Variants in CCDC136 observed in about 807,000 individuals in gnomAD.
CCDC136 encodes coiled-coil domain-containing protein 136.
Under a neutral mutation model 141.2 loss-of-function variants are expected in CCDC136, and 100 were observed. The observed-to-expected ratio is 0.71, with a 90% CI of 0.60 to 0.84. The LOEUF is 0.84. Among genes scored for constraint, CCDC136 ranks in the 40% least tolerant of loss-of-function variants. The probability of loss-of-function intolerance (pLI) is 0.00; values close to 1 mark genes in which losing one functional copy is unlikely to be tolerated. For synonymous variants in CCDC136, 474 were observed against 531.9 expected, an observed-to-expected ratio of 0.89 and a Z score of 1.50; for missense variants, 1,206 against 1,379.4, an observed-to-expected ratio of 0.87 and a Z score of 1.99.
At chr7:128,813,653 G>A (rs901158682) in intron 14 of CCDC136, among the ~76,000 whole-genome samples, 2 of 152,166 alleles carry the variant, frequency 1.3e-5, no homozygotes, top group Non-Finnish European at 2.9e-5. Context: ...GTTCCTGTTA[G>A]AGAGATGGGT....
At chr7:128,796,743 T>TATATATATATATA (rs1282909541) in intron 3 of CCDC136, among the ~76,000 whole-genome samples, 5 of 99,478 alleles carry the variant, frequency 5.0e-5, no homozygotes, top group African/African-American at 2.2e-4. Context: ...ATATATATTC[T>TATATATATATATA]TTTTTTTTTT....
In CCDC136 at chr7:128,792,396, C is replaced by G. The variant is rs746229598; in HGVS notation, c.-16C>G. ...GGAAGAAGGGCCAACGCTGGGGGTC[C>G]CTGGAACGACGGGGGATGCAAGCTA... On this transcript the variant is annotated 5_prime_UTR_variant, in exon 1 of 18. Coordinates refer to ENST00000297788, the MANE Select transcript of CCDC136 (RefSeq NM_022742.5). 2.5e-6 allele frequency: 4 copies of G among 1,610,936 alleles called. No homozygotes were observed. The highest frequency in any genetic ancestry group is 3.4e-6 in the Non-Finnish European group (4 of 1,178,480).
At position 128,804,765 on chromosome 7, in the gene CCDC136, C is replaced by T. The variant is rs753995717; in HGVS notation, c.782+4C>T. 4 of 1,563,554 alleles carry T rather than the reference C, an allele frequency of 2.6e-6. No individual in the cohort carries two copies. Among genetic ancestry groups the T allele is most frequent in the Non-Finnish European group, 3.5e-6 (4 of 1,145,052 alleles). On this transcript the variant is annotated splice_donor_region_variant and intron_variant, in intron 5 of 17. Coordinates refer to ENST00000297788, the MANE Select transcript of CCDC136 (RefSeq NM_022742.5). ...TTGCAGATCTGGAGAGTGAGAGGTA[C>T]AGCTGTCTCTGGAGAGTGAGAGGTC...
At chr7:128,813,744 G>A (rs981870942) in intron 14 of CCDC136, among the ~76,000 whole-genome samples, 1 of 152,172 alleles carries the variant, frequency 6.6e-6, no homozygotes, top group African/African-American at 2.4e-5. Context: ...ACTTTGGGAG[G>A]CCGAGGCGGG....
In CCDC136 at chr7:128,810,268, G is replaced by A. The variant is rs1386676803; in HGVS notation, c.1930G>A (p.Glu644Lys). ...CVLKEQLEIH[E>K]ELRRFKESHF... is the part of the protein sequence containing the mutation. The stretch of plus-strand genomic sequence containing the variant: ...ATTAAAAGAACAATTAGAGATCCAC[G>A]AAGAGCTGCGACGTTTCAAAGAGTC... The change falls in exon 12 of 18, where the codon GAA (glutamate) becomes AAA (lysine). Residue 644 changes from glutamate (E) to lysine (K), a missense_variant. Glu to Lys is a moderately conservative substitution (Grantham distance 56). Transcript: ENST00000297788. The A allele has an allele frequency of 2.5e-6, 4 of 1,613,776 alleles. No homozygotes were observed. Among genetic ancestry groups the A allele is most frequent in the East Asian group, 2.2e-5 (1 of 44,902 alleles).
At position 128,814,655 on chromosome 7, in the gene CCDC136, C is replaced by A; in HGVS notation, c.2781C>A (p.Thr927=). The A allele has an allele frequency of 6.3e-7, 1 of 1,586,300 alleles. No individual in the cohort carries two copies. The highest frequency in any genetic ancestry group is 1.1e-5 in the South Asian group (1 of 87,396). ...NDKNEIKELQ[T]KLRELQLQYQ... ...ACCAACAGATCAAAGAACTGCAGAC[C>A]AAGCTGCGGGAGCTGCAGCTGCAAT... Residue 927 remains threonine, a synonymous_variant, in exon 15 of 18, where the codon ACC becomes ACA. Transcript: ENST00000297788.
intron 10 of CCDC136, chr7:128,809,203 A>G (rs1455454597): frequency 7.1e-6 from 3 of 422,984 alleles, no homozygotes; most frequent in Non-Finnish European, 1.2e-5. Flanking sequence ...CCAGAAAGGA[A>G]TGGTGGAAGT....
chr7:128,806,185 G>A lies in CCDC136; in HGVS notation c.1090-52G>A. On this transcript the variant is annotated intron_variant, in intron 7 of 17. Coordinates refer to ENST00000297788, the MANE Select transcript of CCDC136 (RefSeq NM_022742.5). ...AAGGAACCCAACTGATCCGTAGAAA[G>A]ACCTGCTGTTTCTTGAGAGTAACTG... 3 of 1,459,364 alleles carry A rather than the reference G, an allele frequency of 2.1e-6. No individual in the cohort carries two copies. The South Asian group carries it at 4.1e-5, about 20-fold the overall frequency. The allele number at this position is 1,459,364 out of a possible 1,614,324, so 90.4% of individuals were successfully genotyped here.
At chr7:128,804,857 G>T in intron 5 of CCDC136, 96 bp downstream of exon 5, 1 of 725,152 alleles carries the variant, frequency 1.4e-6, no homozygotes, top group South Asian at 1.7e-5. Flanking sequence ...GGCAGTGAGC[G>T]TTCCTTTGCT....
chr7:128,806,950 T>C, intron 9 of CCDC136, 92 bp downstream of exon 9: 1 of 1,352,372 alleles, frequency 7.4e-7, no homozygotes, highest in Non-Finnish European at 9.9e-7. Flanking sequence ...GGTAGGAGTG[T>C]GGAGGAGCTG....
At chr7:128,810,417 G>T (rs906991723) in intron 12 of CCDC136, 51 bp downstream of exon 12, 2 of 1,365,444 alleles carry the variant, frequency 1.5e-6, no homozygotes, top group African/African-American at 2.9e-5. Flanking sequence ...CAACAGCATG[G>T]CAGAGAGAGT....
chr7:128,808,288 C>T (rs947962817), intron 10 of CCDC136, among the ~76,000 whole-genome samples: 3 of 152,142 alleles, frequency 2.0e-5, no homozygotes, highest in Non-Finnish European at 2.9e-5. Context: ...CCACCTGCCT[C>T]GGCCTCCCAA....
At chr7:128,814,218 T>C (rs901277124) in intron 14 of CCDC136, among the ~76,000 whole-genome samples, 9 of 151,960 alleles carry the variant, frequency 5.9e-5, no homozygotes, top group African/African-American at 1.9e-4. Context: ...CCCAAGTTTC[T>C]GGGACTACAG....
At chr7:128,820,313 G>A (rs947427743) in intron 17 of CCDC136, among the ~76,000 whole-genome samples, 1 of 152,180 alleles carries the variant, frequency 6.6e-6, no homozygotes, top group Non-Finnish European at 1.5e-5. Flanking sequence ...AGAAAATTCT[G>A]TCAAACAACT....
intron 3 of CCDC136, among the ~76,000 whole-genome samples, chr7:128,800,616 C>T (rs1399008897): frequency 6.6e-6 from 1 of 152,194 alleles, no homozygotes; most frequent in African/African-American, 2.4e-5. Flanking sequence ...TAAACAATCC[C>T]TTATCGACTG....
At position 128,794,248 on chromosome 7, in the gene CCDC136, T is replaced by C. The variant is rs1387065158; in HGVS notation, c.17-100T>C. On this transcript the variant is annotated intron_variant, in intron 1 of 17. Transcript: ENST00000297788. The surrounding 1 kb of genome is among the most constrained non-coding windows in gnomAD (Gnocchi z 4.3). The stretch of plus-strand genomic sequence containing the variant: ...CTTGGGGGACACCAGGTGGCACTAG[T>C]ATGTCATCTCTGCCCTGGCATAGTG... The C allele has an allele frequency of 6.6e-7, 1 of 1,507,264 alleles. No homozygotes were observed. Among genetic ancestry groups the C allele is most frequent in the African/African-American group, 1.4e-5 (1 of 72,136 alleles). The allele number at this position is 1,507,264 out of a possible 1,614,324, so 93.4% of individuals were successfully genotyped here. A position where few individuals can be genotyped will look rare whatever the true frequency, so the allele number is the denominator to read the frequency against.
chr7:128,796,767 A>G (rs1803065125), intron 3 of CCDC136, among the ~76,000 whole-genome samples: 1 of 117,472 alleles, frequency 8.5e-6, no homozygotes, highest in African/African-American at 3.5e-5. Flanking sequence ...TTTGAGACGG[A>G]GTCTCGCTCT....
chr7:128,791,140 G>A (rs925355585), upstream of CCDC136, among the ~76,000 whole-genome samples: 98 of 152,280 alleles, frequency 6.4e-4, 1 homozygote, highest in Non-Finnish European at 5.1e-4. The surrounding 1 kb of genome is among the most constrained non-coding windows in gnomAD (Gnocchi z 7.1). Flanking sequence ...GACCCCGGGG[G>A]GACCCGCCGC....
intron 13 of CCDC136, 137 bp from the exon 14 acceptor site, chr7:128,812,571 G>T (rs1308379448): frequency 1.2e-5 from 9 of 734,728 alleles, no homozygotes; most frequent in Non-Finnish European, 1.4e-5. Context: ...CTCTTTATGG[G>T]GGTAAATATA....
Sources: allele counts gnomAD v4.1 joint callset (sites outside exome capture counted in the v4.1 genomes callset), GRCh38; gene constraint gnomAD v4.1.1; non-coding constraint Gnocchi (gnomAD v3.1); transcripts MANE v1.5; gene names NCBI Gene and HGNC (gene_info 2026-07-23, HGNC 2026-07-21).